Variants in RBMS1 observed in about 807,000 individuals in gnomAD.
The protein encoded by RBMS1 is RNA binding motif single stranded interacting protein 1.
A neutral mutation model predicts 62.3 loss-of-function variants in RBMS1; 17 were observed. That is an observed-to-expected ratio of 0.27 (90% CI 0.19 to 0.41). The LOEUF (loss-of-function observed/expected upper bound fraction) is 0.41. Ranked by LOEUF, RBMS1 falls within the 10% of genes least tolerant of loss-of-function variation. The pLI is 1.00. For synonymous variants in RBMS1, 172 were observed against 170.0 expected (o/e 1.01, Z -0.09); for missense variants, 334 against 504.5 (o/e 0.66, Z 3.24).
In RBMS1 at chr2:160,337,418, G is replaced by A. The variant is rs72972872; in HGVS notation, c.252-19191C>T. Among the ~76,000 whole-genome samples, 497 of 152,232 alleles carry A rather than the reference G, an allele frequency of 3.3e-3. 2 individuals carry two copies. The highest frequency in any genetic ancestry group is 0.01 in the Middle Eastern group (3 of 294). ...CAAAGTGCTGGGATTACAGATGTAA[G>A]CCATCGTGCCTGGCCCCCAACAACT... On this transcript the variant is annotated intron_variant, in intron 2 of 13. Coordinates refer to ENST00000348849, the MANE Select transcript of RBMS1 (RefSeq NM_016836.4).
chr2:160,471,691 G>GTATA (rs368982549), intron 1 of RBMS1, among the ~76,000 whole-genome samples: 44 of 65,940 alleles, frequency 6.7e-4, no homozygotes, highest in East Asian at 1.7e-3. Context: ...ATCCTTTGGT[G>GTATA]TATATATATA....
rs568222505 is a variant in RBMS1 at position 160,407,292 on chromosome 2, G to C, written c.76-39901C>G. On this transcript the variant is annotated intron_variant, in intron 1 of 13. Coordinates refer to ENST00000348849, the MANE Select transcript of RBMS1 (RefSeq NM_016836.4). ...TGCCCGGCCCGGGCGGCGGCGGCGA[G>C]GGCATCTCCCCTGCTCAGGTCGCCG... Among the ~76,000 whole-genome samples the C allele has an allele frequency of 6.6e-4, 101 of 152,126 alleles. 1 individual carries two copies. Among genetic ancestry groups the C allele is most frequent in the Non-Finnish European group, 1.2e-3 (83 of 67,950 alleles).
intron 1 of RBMS1, among the ~76,000 whole-genome samples, chr2:160,491,008 G>A (rs1434981216): frequency 1.3e-5 from 2 of 151,834 alleles, no homozygotes; most frequent in African/African-American, 4.8e-5. Flanking sequence ...TCTTTAGGTA[G>A]ATTAGGCAAC....
chr2:160,449,586 G>A (rs1180139934), intron 1 of RBMS1, among the ~76,000 whole-genome samples: 1 of 152,138 alleles, frequency 6.6e-6, no homozygotes, highest in Non-Finnish European at 1.5e-5. Context: ...CGGATTAAGG[G>A]CGGTGCAAGA....
intron 1 of RBMS1, among the ~76,000 whole-genome samples, chr2:160,400,226 A>C (rs1574004122): frequency 6.6e-6 from 1 of 152,162 alleles, no homozygotes; most frequent in African/African-American, 2.4e-5. Context: ...CATTAAAGAA[A>C]CCTCTAAAGA....
intron 1 of RBMS1, among the ~76,000 whole-genome samples, chr2:160,469,991 GAGTATGGTACTCCAGAGCCAAGAC>G (rs1375535632): frequency 6.6e-6 from 1 of 152,168 alleles, no homozygotes; most frequent in Non-Finnish European, 1.5e-5. Context: ...GGATTTCATT[GAGTATGGTACTCCAGAGCCAAGAC>G]AGTAAAACTG....
intron 1 of RBMS1, among the ~76,000 whole-genome samples, chr2:160,389,744 G>A (rs1230782315): frequency 1.6e-5 from 2 of 126,300 alleles, no homozygotes; most frequent in Non-Finnish European, 3.3e-5. Flanking sequence ...AAAACCCTCA[G>A]TAATTAACCA....
chr2:160,313,605 G>A (rs1690054449), intron 3 of RBMS1, among the ~76,000 whole-genome samples: 1 of 151,968 alleles, frequency 6.6e-6, no homozygotes, highest in Non-Finnish European at 1.5e-5. Context: ...CAACTTCAGG[G>A]AAATAGCATT....
intron 1 of RBMS1, among the ~76,000 whole-genome samples, chr2:160,373,908 C>G (rs1693862124): frequency 6.6e-6 from 1 of 151,988 alleles, no homozygotes; most frequent in African/African-American, 2.4e-5. Flanking sequence ...GATGAAAAGA[C>G]AGGGGACAAA....
intron 1 of RBMS1, among the ~76,000 whole-genome samples, chr2:160,459,280 C>T (rs1684369981): frequency 6.6e-6 from 1 of 152,280 alleles, no homozygotes; most frequent in Non-Finnish European, 1.5e-5. Flanking sequence ...TTCCCGAGTA[C>T]GTGACATTTA....
At chr2:160,443,223 C>CAAAAAAAAAAAAA (rs74743720) in intron 1 of RBMS1, among the ~76,000 whole-genome samples, 5 of 135,290 alleles carry the variant, frequency 3.7e-5, no homozygotes, top group African/African-American at 1.4e-4. Flanking sequence ...AAAAAAAAAA[C>CAAAAAAAAAAAAA]AAAAAAAAAA....
chr2:160,323,362 G>A (rs1232128568), intron 2 of RBMS1, among the ~76,000 whole-genome samples: 2 of 151,824 alleles, frequency 1.3e-5, no homozygotes, highest in Non-Finnish European at 2.9e-5. Flanking sequence ...TGTAGTCCCA[G>A]CTACTTAGGA....
chr2:160,324,269 A>G (rs1031539286), intron 2 of RBMS1, among the ~76,000 whole-genome samples: 15 of 152,210 alleles, frequency 9.9e-5, no homozygotes, highest in African/African-American at 3.6e-4. Context: ...GTGCACACAC[A>G]CACACACACA....
At position 160,287,090 on chromosome 2, in the gene RBMS1, T is replaced by G. The variant is rs755581686; in HGVS notation, c.641-6A>C. 1 of 1,613,720 alleles carries G rather than the reference T, an allele frequency of 6.2e-7. No homozygotes were observed. The highest frequency in any genetic ancestry group is 1.3e-5 in the African/African-American group (1 of 74,894). On this transcript the variant is annotated splice_region_variant and splice_polypyrimidine_tract_variant and intron_variant, in intron 6 of 13. Coordinates refer to ENST00000348849, the MANE Select transcript of RBMS1 (RefSeq NM_016836.4). ...CAATAAAGGTTCTGTGGGGGCTAAG[T>G]AAACAGAGAAAAATAAAATGAAACC...
intron 2 of RBMS1, among the ~76,000 whole-genome samples, chr2:160,354,343 G>A (rs894472914): frequency 6.6e-6 from 1 of 152,092 alleles, no homozygotes; most frequent in Non-Finnish European, 1.5e-5. Context: ...AATGAATAGG[G>A]GTGGTGGAGG....
At chr2:160,426,473 A>G (rs1682626498) in intron 1 of RBMS1, among the ~76,000 whole-genome samples, 2 of 152,320 alleles carry the variant, frequency 1.3e-5, no homozygotes, top group South Asian at 4.1e-4. Flanking sequence ...TAAAAATTAG[A>G]TTATCCTTTA....
chr2:160,304,186 T>C (rs1358194956), intron 4 of RBMS1, among the ~76,000 whole-genome samples: 1 of 152,076 alleles, frequency 6.6e-6, no homozygotes, highest in Non-Finnish European at 1.5e-5. Flanking sequence ...GTCAAGAGGC[T>C]TGCAAAAGGC....
intron 2 of RBMS1, among the ~76,000 whole-genome samples, chr2:160,360,868 T>C (rs554651043): frequency 6.6e-6 from 1 of 152,302 alleles, no homozygotes; most frequent in African/African-American, 2.4e-5. Flanking sequence ...TTTCACCTTT[T>C]AAGATCTGTG....
intron 2 of RBMS1, among the ~76,000 whole-genome samples, chr2:160,356,233 T>C (rs1434623764): frequency 1.3e-5 from 2 of 152,158 alleles, no homozygotes; most frequent in East Asian, 1.9e-4. Context: ...TGACCAGCTA[T>C]GCTAAAAGGG....
Sources: allele counts gnomAD v4.1 joint callset (sites outside exome capture counted in the v4.1 genomes callset), GRCh38; gene constraint gnomAD v4.1.1; transcripts MANE v1.5; gene names NCBI Gene and HGNC (gene_info 2026-07-23, HGNC 2026-07-21).